The following RABAC1 variants were observed in gnomAD, a reference collection of about 807,000 sequenced individuals.
The protein encoded by RABAC1 is Rab acceptor 1, also known as prenylated Rab acceptor protein 1.
Under a neutral mutation model 22.9 loss-of-function variants are expected in RABAC1, and 16 were observed. The ratio of observed to expected loss-of-function variants is 0.70; its 90% CI spans 0.47 to 1.06. The LOEUF (loss-of-function observed/expected upper bound fraction) is 1.06. Ranked by LOEUF, RABAC1 falls within the 50% of genes least tolerant of loss-of-function variation. The pLI is 0.00. For missense variants in RABAC1, 227 were observed against 246.5 expected (o/e 0.92, Z 0.53); for synonymous variants, 139 against 107.7 (o/e 1.29, Z -1.80).
In RABAC1 at chr19:41,958,925, G is replaced by A. The variant is rs1555857264; in HGVS notation, c.80C>T (p.Pro27Leu). 1.9e-6 allele frequency: 3 copies of A among 1,587,708 alleles called. No homozygotes were observed. The highest frequency in any genetic ancestry group is 2.6e-6 in the Non-Finnish European group (3 of 1,171,332). ...CAGCCACTCCCGGCCTGCACCGGAG[G>A]GAATCAGCTTCGGCAGCAGGGTCCT... ...SGTTLLPKLIPSGAGREWLER... is the reference protein window; with the variant it reads ...SGTTLLPKLILSGAGREWLER... Residue 27 changes from proline (P) to leucine (L), a missense_variant, in exon 2 of 5, where the codon CCC becomes CTC. Pro to Leu is a moderately conservative substitution (Grantham distance 98). Transcript: ENST00000222008.
chr19:41,959,255 G>A lies in RABAC1; in HGVS notation c.38C>T (p.Ala13Val). Residue 13 changes from alanine (A) to valine (V), a missense_variant, in exon 1 of 5, where the codon GCG becomes GTG. Physicochemically the swap from Ala to Val is moderately conservative, Grantham distance 64. Coordinates refer to ENST00000222008, the MANE Select transcript of RABAC1 (RefSeq NM_006423.3). ...AQKDQQKDAEAEGLSGTTLLP... is the reference protein window; with the variant it reads ...AQKDQQKDAEVEGLSGTTLLP... ...CGCTCACGTGCCGCTCAGCCCTTCC[G>A]CCTCGGCATCTTTCTGCTGGTCCTT... The A allele has an allele frequency of 2.5e-6, 4 of 1,613,628 alleles. No homozygotes were observed. The highest frequency in any genetic ancestry group is 3.4e-6 in the Non-Finnish European group (4 of 1,179,936).
rs145793297 is a variant in RABAC1, at chr19:41,959,277, C to T, written c.16G>A (p.Asp6Asn). The T allele has an allele frequency of 8.7e-6, 14 of 1,613,600 alleles. No homozygotes were observed. In the African/African-American group the frequency reaches 1.5e-4, roughly 17 times the overall value. Residue 6 changes from aspartate (D) to asparagine (N), a missense_variant, in exon 1 of 5, where the codon GAC becomes AAC. By Grantham distance (23) the Asp-to-Asn change is conservative. Coordinates refer to ENST00000222008, the MANE Select transcript of RABAC1 (RefSeq NM_006423.3). MAAQKDQQKDAEAEGL... is the reference protein window; with the variant it reads MAAQKNQQKDAEAEGL... ...TCCGCCTCGGCATCTTTCTGCTGGT[C>T]CTTCTGCGCTGCCATGTCTGCGTCG... is the stretch of plus-strand genomic sequence containing the variant.
In RABAC1 at chr19:41,956,945, G is replaced by A; in HGVS notation, c.470-11C>T. 2.5e-6 allele frequency: 4 copies of A among 1,612,202 alleles called. No individual in the cohort carries two copies. The highest frequency in any genetic ancestry group is 3.4e-6 in the Non-Finnish European group (4 of 1,178,886). ...CCACCAGGGTGGCTCCTGCAGGAAA[G>A]CCGGCAGCTCAGGGCCACACTCCTG... On this transcript the variant is annotated splice_polypyrimidine_tract_variant and intron_variant, in intron 4 of 4. Transcript: ENST00000222008.
intron 3 of RABAC1, 126 bp downstream of exon 3, chr19:41,958,160 G>C (rs2145931543): frequency 2.5e-6 from 2 of 816,166 alleles, no homozygotes; most frequent in South Asian, 1.6e-5. Context: ...GGGGGATCTA[G>C]TGTACATCTA....
In RABAC1 at chr19:41,958,730, A is replaced by C. The variant is rs781996400; in HGVS notation, c.269+6T>G. 1.6e-5 allele frequency: 25 copies of C among 1,610,562 alleles called. No individual in the cohort carries two copies. The South Asian group carries it at 2.6e-4, about 17-fold the overall frequency. On this transcript the variant is annotated splice_donor_region_variant and intron_variant, in intron 2 of 4. Transcript: ENST00000222008. Reference sequence around the variant, plus strand: ...AGTGCGGGTGCGGGGCCCGGGAGGCACTCACACACAGTACAGGATGAGGCC... The same window carrying C: ...AGTGCGGGTGCGGGGCCCGGGAGGCCCTCACACACAGTACAGGATGAGGCC...
At chr19:41,957,323 C>T in intron 3 of RABAC1, 1 of 578,958 alleles carries the variant, frequency 1.7e-6, no homozygotes, top group Non-Finnish European at 3.1e-6. Context: ...ACCGTCCTCG[C>T]CTGCCTCAGC....
At chr19:41,958,636 G>A (rs1075728) in intron 2 of RABAC1, 100 bp downstream of exon 2, 504,249 of 1,297,940 alleles carry the variant, frequency 0.39, 105,336 homozygotes, top group Non-Finnish European at 0.43. Flanking sequence ...CCTGGGCGGT[G>A]AGAGGAGGGA....
Position 41,958,390 on chromosome 19 carries a change from G to A in RABAC1, c.270-7C>T. ...CAACATAGGGGACGTCACCCTGGAG[G>A]AGGAGTGCAGGGAGGCAGCGGTTAG... On this transcript the variant is annotated splice_polypyrimidine_tract_variant and splice_region_variant and intron_variant, in intron 2 of 4. Coordinates refer to ENST00000222008, the MANE Select transcript of RABAC1 (RefSeq NM_006423.3). 1.9e-6 allele frequency: 3 copies of A among 1,611,470 alleles called. No individual in the cohort carries two copies. Among genetic ancestry groups the A allele is most frequent in the Non-Finnish European group, 2.5e-6 (3 of 1,178,498 alleles).
intron 2 of RABAC1, 77 bp from the exon 3 acceptor site, chr19:41,958,460 G>A (rs2075000027): frequency 2.9e-6 from 4 of 1,390,054 alleles, no homozygotes; most frequent in Admixed American, 1.9e-5. Flanking sequence ...CTTCTCCACC[G>A]GCGGGCGGCA....
chr19:41,958,105 C>T, intron 3 of RABAC1, 181 bp downstream of exon 3: 1 of 599,052 alleles, frequency 1.7e-6, no homozygotes, highest in Non-Finnish European at 3.0e-6. Flanking sequence ...GGCTGAGACT[C>T]GATGGAAGGA....
rs969408502 is a variant in RABAC1, at chr19:41,958,765, G to T, written c.240C>A (p.Phe80Leu). 6.2e-7 allele frequency: 1 copy of T among 1,613,136 alleles called. No individual in the cohort carries two copies. Among genetic ancestry groups the T allele is most frequent in the Non-Finnish European group, 8.5e-7 (1 of 1,179,812 alleles). ...AGTACAGGATGAGGCCCAGGAACAC[G>T]AACACATAGTTGCTCTGGTAGTACT... ...NVEYYQSNYV[F>L]VFLGLILYCV... Residue 80 changes from phenylalanine (F) to leucine (L), a missense_variant, in exon 2 of 5, where the codon TTC becomes TTA. Physicochemically the swap from Phe to Leu is conservative, Grantham distance 22. Transcript: ENST00000222008.
rs782792807 is a variant in RABAC1, at chr19:41,958,884, T to A, written c.121A>T (p.Thr41Ser). The stretch of plus-strand genomic sequence containing the variant: ...ACGAAGGTGCTCCAGGGCCGGATGG[T>A]CGCGCGGCGCCGCTCCAGCCACTCC... The part of the protein sequence containing the change: ...GREWLERRRA[T>S]IRPWSTFVDQ... The change falls in exon 2 of 5, where the codon ACC (threonine) becomes TCC (serine). Residue 41 changes from threonine (T) to serine (S), a missense_variant. Physicochemically the swap from Thr to Ser is moderately conservative, Grantham distance 58. Transcript: ENST00000222008. The A allele has an allele frequency of 6.3e-7, 1 of 1,598,594 alleles. No individual in the cohort carries two copies. The highest frequency in any genetic ancestry group is 1.1e-5 in the South Asian group (1 of 90,224).
rs781822462 is a variant in RABAC1 at position 41,959,265 on chromosome 19, C to T, written c.28G>A (p.Asp10Asn). Residue 10 changes from aspartate (D) to asparagine (N), a missense_variant, in exon 1 of 5, where the codon GAT (aspartate) becomes AAT (asparagine). Transcript: ENST00000222008. ...CCGCTCAGCCCTTCCGCCTCGGCAT[C>T]TTTCTGCTGGTCCTTCTGCGCTGCC... Reference protein sequence around the residue: MAAQKDQQKDAEAEGLSGTT... With the variant: MAAQKDQQKNAEAEGLSGTT... The T allele has an allele frequency of 6.2e-7, 1 of 1,613,706 alleles. No individual in the cohort carries two copies. Among genetic ancestry groups the T allele is most frequent in the Non-Finnish European group, 8.5e-7 (1 of 1,179,940 alleles).
intron 3 of RABAC1, 133 bp downstream of exon 3, chr19:41,958,153 G>A: frequency 1.3e-6 from 1 of 755,306 alleles, no homozygotes; most frequent in Non-Finnish European, 2.2e-6. Flanking sequence ...CAGGTTTGGG[G>A]GATCTAGTGT....
chr19:41,958,468 G>A (rs1345423439), intron 2 of RABAC1, 85 bp from the exon 3 acceptor site: 21 of 1,310,982 alleles, frequency 1.6e-5, no homozygotes, highest in Non-Finnish European at 2.3e-5. Context: ...CCGGCGGGCG[G>A]CAAGCTACAT....
At chr19:41,957,911 G>C (rs2074997291) in intron 3 of RABAC1, 1 of 186,440 alleles carries the variant, frequency 5.4e-6, no homozygotes, top group Non-Finnish European at 1.2e-5. Context: ...AAAGAAACGG[G>C]AACAGATCTA....
At chr19:41,959,000 C>T in intron 1 of RABAC1, 52 bp from the exon 2 acceptor site, 3 of 1,492,548 alleles carry the variant, frequency 2.0e-6, no homozygotes, top group Non-Finnish European at 1.8e-6. Flanking sequence ...GCCCCAGACC[C>T]CCGCAAAAGA....
At chr19:41,957,961 C>T (rs754610561) in intron 3 of RABAC1, 5 of 318,538 alleles carry the variant, frequency 1.6e-5, no homozygotes, top group South Asian at 1.4e-4. Context: ...AGTGTGGGCA[C>T]CTGCAGCTGA....
At chr19:41,958,043 T>A in intron 3 of RABAC1, 1 of 478,576 alleles carries the variant, frequency 2.1e-6, no homozygotes, top group South Asian at 2.1e-5. Flanking sequence ...GGAGTAGGTT[T>A]AAGGCACAGC....
Sources: gnomAD v4.1 joint callset for allele counts on GRCh38, gnomAD v4.1.1 for gene constraint, MANE v1.5 for transcripts, NCBI Gene and HGNC (gene_info 2026-07-23, HGNC 2026-07-21) for gene names.